MCF2L2: variants seen among roughly 807,000 people sequenced by gnomAD.
MCF2L2 encodes probable guanine nucleotide exchange factor MCF2L2.
MCF2L2 carries 102 observed loss-of-function variants against 150.2 expected under a neutral mutation model. The observed-to-expected ratio is 0.68, with a 90% CI of 0.58 to 0.80. The LOEUF (loss-of-function observed/expected upper bound fraction) is 0.80, where lower values mean the gene tolerates loss of function less well. MCF2L2 is among the 30% of genes least tolerant of loss of function. MCF2L2 has a pLI of 0.00. For synonymous variants in MCF2L2, 465 were observed against 491.3 expected (o/e 0.95, Z 0.71); for missense variants, 1,256 against 1,372.8 (o/e 0.91, Z 1.34).
chr3:183,249,478 T>C (rs970541950), intron 15 of MCF2L2, among the ~76,000 whole-genome samples: 2 of 152,172 alleles, frequency 1.3e-5, no homozygotes, highest in Non-Finnish European at 2.9e-5. Flanking sequence ...TCCTTATGCG[T>C]TGGTGTGAAG....
intron 15 of MCF2L2, among the ~76,000 whole-genome samples, chr3:183,231,526 C>T (rs977018958): frequency 2.6e-5 from 4 of 152,114 alleles, no homozygotes; most frequent in Admixed American, 2.0e-4. Context: ...ATGATCATGG[C>T]TCACTGTAGC....
chr3:183,233,874 T>A (rs77131323), intron 15 of MCF2L2, among the ~76,000 whole-genome samples: 3,052 of 152,286 alleles, frequency 0.02, 99 homozygotes, highest in African/African-American at 0.071. Context: ...AATAATACAA[T>A]TCACATATTT....
chr3:183,364,469 A>G (rs1413487369), intron 3 of MCF2L2, among the ~76,000 whole-genome samples: 5 of 152,044 alleles, frequency 3.3e-5, no homozygotes, highest in East Asian at 1.9e-4. Context: ...GCAGTGAGCC[A>G]AGATCACGCC....
At chr3:183,224,222 A>G (rs1234671464) in intron 18 of MCF2L2, 32 bp from the exon 19 acceptor site, 3 of 1,439,672 alleles carry the variant, frequency 2.1e-6, no homozygotes, top group African/African-American at 2.8e-5. Flanking sequence ...TAAATTAATC[A>G]GGCAGCATTT....
intron 1 of MCF2L2, among the ~76,000 whole-genome samples, chr3:183,423,647 T>G (rs946075832): frequency 6.9e-6 from 1 of 145,880 alleles, no homozygotes; most frequent in Non-Finnish European, 1.5e-5. Context: ...TTTTTTTTTT[T>G]TTTTTTTTTG....
At chr3:183,341,722 G>A (rs1730704253) in intron 3 of MCF2L2, 92 bp from the exon 4 acceptor site, 1 of 832,942 alleles carries the variant, frequency 1.2e-6, no homozygotes, top group Admixed American at 1.8e-5. Flanking sequence ...AGCCTCCACA[G>A]CACTCCAGGC....
chr3:183,311,120 G>T (rs775311357), intron 8 of MCF2L2, 91 bp from the exon 9 acceptor site: 2 of 702,044 alleles, frequency 2.8e-6, no homozygotes, highest in Non-Finnish European at 5.0e-6. Flanking sequence ...CTGTGTCTTC[G>T]GTCAGTGGTG....
At position 183,267,214 on chromosome 3, in the gene MCF2L2, A is replaced by T. The variant is rs533583803; in HGVS notation, c.1862+9658T>A. On this transcript the variant is annotated intron_variant, in intron 15 of 29. Transcript: ENST00000328913. The surrounding 1 kb of genome is among the most constrained non-coding windows in gnomAD (Gnocchi z 5.5). ...ACTACTCTCAGTACACTCTGTATTT[A>T]AAAAAAAAAATGCTGGTTGTGGCTT... Among the ~76,000 whole-genome samples the T allele has an allele frequency of 4.2e-5, 6 of 141,364 alleles. No homozygotes were observed. The highest frequency in any genetic ancestry group is 7.5e-5 in the Non-Finnish European group (5 of 66,724). The allele number at this position is 141,364 out of a possible 152,430, so 92.7% of individuals were successfully genotyped here.
intron 1 of MCF2L2, among the ~76,000 whole-genome samples, chr3:183,415,453 C>T (rs1413667743): frequency 6.6e-6 from 1 of 152,188 alleles, no homozygotes; most frequent in Non-Finnish European, 1.5e-5. Flanking sequence ...TCCCAAAGTG[C>T]TGGGATTACA....
rs147764010 is a variant in MCF2L2, at chr3:183,255,385, T to G, written c.1862+21487A>C. On this transcript the variant is annotated intron_variant, in intron 15 of 29. Coordinates refer to ENST00000328913, the MANE Select transcript of MCF2L2 (RefSeq NM_015078.4). ...GAAAGCTGCTTTTTGGGGCCAACTC[T>G]TTGCTTTTAAAGCAAGCTAAACGCA... Among the ~76,000 whole-genome samples, 3 of 152,254 alleles carry G rather than the reference T, an allele frequency of 2.0e-5. No homozygotes were observed. The East Asian group carries it at 5.8e-4, about 29-fold the overall frequency.
intron 13 of MCF2L2, among the ~76,000 whole-genome samples, chr3:183,289,863 C>A (rs1728023880): frequency 6.6e-6 from 1 of 152,060 alleles, no homozygotes. Flanking sequence ...CTCAAACAAA[C>A]AAACAGACAA....
At chr3:183,203,916 G>A (rs932453657) in intron 25 of MCF2L2, among the ~76,000 whole-genome samples, 2 of 152,190 alleles carry the variant, frequency 1.3e-5, no homozygotes, top group Admixed American at 1.3e-4. Context: ...AAGGCAATGG[G>A]ATGACATATT....
chr3:183,368,227 G>C (rs1297067603), intron 3 of MCF2L2, among the ~76,000 whole-genome samples: 3 of 152,144 alleles, frequency 2.0e-5, no homozygotes, highest in African/African-American at 4.8e-5. Flanking sequence ...AGAAATCTTA[G>C]GTTGGGACCA....
At chr3:183,235,408 T>G (rs1179494570) in intron 15 of MCF2L2, among the ~76,000 whole-genome samples, 2 of 86,792 alleles carry the variant, frequency 2.3e-5, no homozygotes, top group Non-Finnish European at 4.3e-5. Context: ...TGTGAGATGA[T>G]ATCTCATAAT....
chr3:183,294,689 C>T (rs1387349824), intron 13 of MCF2L2, among the ~76,000 whole-genome samples: 2 of 146,904 alleles, frequency 1.4e-5, no homozygotes, highest in Admixed American at 6.9e-5. Context: ...AGTGCAGTGG[C>T]GCCATCTCCG....
At chr3:183,273,068 T>C in intron 15 of MCF2L2, 1 of 1,472,358 alleles carries the variant, frequency 6.8e-7, no homozygotes, top group South Asian at 1.4e-5. Flanking sequence ...AGAGTATCTG[T>C]AAATAAAAGG....
At chr3:183,363,808 TAA>T (rs1712358481) in intron 3 of MCF2L2, among the ~76,000 whole-genome samples, 1 of 151,112 alleles carries the variant, frequency 6.6e-6, no homozygotes, top group South Asian at 2.1e-4. Flanking sequence ...AATATATCAG[TAA>T]AGTTATAAAA....
intron 3 of MCF2L2, among the ~76,000 whole-genome samples, chr3:183,366,147 C>A (rs1339789551): frequency 6.6e-6 from 1 of 151,990 alleles, no homozygotes; most frequent in Non-Finnish European, 1.5e-5. Context: ...AAATTTCAAA[C>A]CTACAACAAA....
rs1048387499 is a variant in MCF2L2, at chr3:183,351,422, T to C, written c.276-9792A>G. 5.3e-5 allele frequency among the ~76,000 whole-genome samples: 8 copies of C among 151,538 alleles called. No individual in the cohort carries two copies. The East Asian group carries it at 5.8e-4, about 11-fold the overall frequency. On this transcript the variant is annotated intron_variant, in intron 3 of 29. Coordinates refer to ENST00000328913, the MANE Select transcript of MCF2L2 (RefSeq NM_015078.4). ...AAGGTATAGAAAATATTTTGGTCAA[T>C]TGAAATTTTATTGCATTGCCATCAG...
Sources: gnomAD v4.1 joint callset for allele counts (sites outside exome capture counted in the v4.1 genomes callset) on GRCh38, gnomAD v4.1.1 for gene constraint, Gnocchi (gnomAD v3.1) non-coding constraint, MANE v1.5 for transcripts, NCBI Gene and HGNC (gene_info 2026-07-23, HGNC 2026-07-21) for gene names.